ESRRA: variants seen among roughly 807,000 people sequenced by gnomAD.
ESRRA encodes estrogen related receptor alpha.
ESRRA carries 7 observed loss-of-function variants against 35.6 expected under a neutral mutation model. The observed-to-expected ratio is 0.20, with a 90% CI of 0.11 to 0.37. The LOEUF (loss-of-function observed/expected upper bound fraction) is 0.37, where lower values mean the gene tolerates loss of function less well. Among genes scored for constraint, ESRRA ranks in the 10% least tolerant of loss-of-function variants. The pLI is 1.00. For missense variants in ESRRA, 378 were observed against 561.7 expected (o/e 0.67, Z 3.31); for synonymous variants, 223 against 246.9 (o/e 0.90, Z 0.91).
intron 1 of ESRRA, among the ~76,000 whole-genome samples, 168 bp from the exon 2 acceptor site, chr11:64,307,000 G>T (rs1490895596): frequency 6.6e-6 from 1 of 152,164 alleles, no homozygotes; most frequent in Non-Finnish European, 1.5e-5. Flanking sequence ...CAGCTAGGAG[G>T]GGGCAGTGTT....
At position 64,314,307 on chromosome 11, in the gene ESRRA, C is replaced by T. The variant is rs765056529; in HGVS notation, c.511C>T (p.Pro171Ser). The T allele has an allele frequency of 1.2e-6, 2 of 1,609,896 alleles. No individual in the cohort carries two copies. Among genetic ancestry groups the T allele is most frequent in the Non-Finnish European group, 1.7e-6 (2 of 1,178,632 alleles). ...GCGGCGGCCGGAGGTGGACCCACTG[C>T]CCTTCCCGGGCCCCTTCCCTGCTGG... ...YKRRPEVDPL[P>S]FPGPFPAGPL... is the part of the protein sequence containing the mutation. The change falls in exon 4 of 7, where the codon CCC (proline) becomes TCC (serine). Residue 171 changes from proline (P) to serine (S), a missense_variant. This residue lies in a region of ESRRA where 284 missense variants were observed against 411.7 expected (regional missense o/e 0.69). Coordinates refer to ENST00000000442, the MANE Select transcript of ESRRA (RefSeq NM_004451.5).
In ESRRA at chr11:64,314,930, C is replaced by T. The variant is rs368684408; in HGVS notation, c.742+19C>T. The T allele has an allele frequency of 1.2e-6, 2 of 1,609,544 alleles. No homozygotes were observed. The highest frequency in any genetic ancestry group is 2.7e-5 in the African/African-American group (2 of 74,884). On this transcript the variant is annotated intron_variant, in intron 5 of 6. Coordinates refer to ENST00000000442, the MANE Select transcript of ESRRA (RefSeq NM_004451.5). ...ATCCCAGGTAAAGGGCCCAGGTGACCCGGGGCTGCCCTGAACGGGCCCGGC... is the reference window on the plus strand; with the variant it reads ...ATCCCAGGTAAAGGGCCCAGGTGACTCGGGGCTGCCCTGAACGGGCCCGGC...
Position 64,313,900 on chromosome 11 carries a change from C to A in ESRRA, c.326-51C>A. Reference sequence around the variant, plus strand: ...GTCAGGGCTCTCCTGTCAGCTGGGTCCCCTCCCAGCCCCGGGAGGCCGCCA... The same window carrying A: ...GTCAGGGCTCTCCTGTCAGCTGGGTACCCTCCCAGCCCCGGGAGGCCGCCA... On this transcript the variant is annotated intron_variant, in intron 2 of 6. Transcript: ENST00000000442. This position sits in a 1 kb window ranked among gnomAD's most constrained non-coding sequence, Gnocchi z 4.0. The A allele has an allele frequency of 7.6e-7, 1 of 1,322,020 alleles. No homozygotes were observed. The highest frequency in any genetic ancestry group is 1.4e-5 in the South Asian group (1 of 73,858). 81.9% of individuals were successfully genotyped at this position (1,322,020 alleles called of 1,614,324 possible).
At chr11:64,308,332 T>C (rs1288582875) in intron 2 of ESRRA, among the ~76,000 whole-genome samples, 1 of 147,784 alleles carries the variant, frequency 6.8e-6, no homozygotes, top group African/African-American at 2.5e-5. Flanking sequence ...CTGGCCAGGG[T>C]GGTGAAACCG....
rs1275591968 is a variant in ESRRA at position 64,315,172 on chromosome 11, T to C, written c.914T>C (p.Leu305Pro). 1 of 1,613,128 alleles carries C rather than the reference T, an allele frequency of 6.2e-7. No individual in the cohort carries two copies. The highest frequency in any genetic ancestry group is 8.5e-7 in the Non-Finnish European group (1 of 1,179,898). Residue 305 changes from leucine to proline, a missense_variant, in exon 6 of 7, where the codon CTG (leucine) becomes CCG (proline). Coordinates refer to ENST00000000442, the MANE Select transcript of ESRRA (RefSeq NM_004451.5). ...GCACGGGCAGCTGGCCTGGGGGAAC[T>C]GGGGGCTGCCCTGCTGCAACTAGTG... Reference protein sequence around the residue: ...EGARAAGLGELGAALLQLVRR... With the variant: ...EGARAAGLGEPGAALLQLVRR...
Position 64,314,889 on chromosome 11 carries a change from C to T in ESRRA, c.720C>T (p.Ile240=), listed in dbSNP as rs1218270528. Residue 240 remains isoleucine (I), a synonymous_variant, in exon 5 of 7, where the codon ATC becomes ATT. Coordinates refer to ENST00000000442, the MANE Select transcript of ESRRA (RefSeq NM_004451.5). Reference sequence around the variant, plus strand: ...TTGACCGAGAGATTGTGGTCACCATCAGCTGGGCCAAGAGCATCCCAGGTA... The same window carrying T: ...TTGACCGAGAGATTGTGGTCACCATTAGCTGGGCCAAGAGCATCCCAGGTA... ...DLFDREIVVT[I]SWAKSIPGFS... 6.2e-7 allele frequency: 1 copy of T among 1,612,408 alleles called. No individual in the cohort carries two copies. Among genetic ancestry groups the T allele is most frequent in the Admixed American group, 1.7e-5 (1 of 60,028 alleles).
intron 2 of ESRRA, among the ~76,000 whole-genome samples, chr11:64,309,625 A>T (rs1021199237): frequency 6.7e-6 from 1 of 148,864 alleles, no homozygotes; most frequent in African/African-American, 2.5e-5. Flanking sequence ...GGGCTATAAC[A>T]CGTATAATTA....
chr11:64,316,004 T>C lies in ESRRA; in HGVS notation c.*38T>C. The C allele has an allele frequency of 1.3e-6, 2 of 1,534,956 alleles. No homozygotes were observed. The highest frequency in any genetic ancestry group is 1.8e-6 in the Non-Finnish European group (2 of 1,137,198). ...GACTGGTGGGGGTTCTGGCAGGACC[T>C]GCCTAGCATGGGGTCAGCCCCAAGG... is the stretch of plus-strand genomic sequence containing the variant. On this transcript the variant is annotated 3_prime_UTR_variant, in exon 7 of 7. Coordinates refer to ENST00000000442, the MANE Select transcript of ESRRA (RefSeq NM_004451.5).
In ESRRA at chr11:64,308,294, C is replaced by T. The variant is rs200212965; in HGVS notation, c.325+790C>T. Among the ~76,000 whole-genome samples the T allele has an allele frequency of 1.2e-3, 187 of 152,164 alleles. 2 individuals carry two copies. In the East Asian group the frequency reaches 0.016, roughly 13 times the overall value. On this transcript the variant is annotated intron_variant, in intron 2 of 6. Transcript: ENST00000000442. ...CTTTGGGAGGCCAAGGTGGGCGGAT[C>T]ACCTGAGGTCAGGAGATCGAGACCA...
rs1224326228 is a variant in ESRRA at position 64,316,340 on chromosome 11, A to C, written c.*374A>C. 8 of 227,302 alleles carry C rather than the reference A, an allele frequency of 3.5e-5. No homozygotes were observed. The highest frequency in any genetic ancestry group is 5.3e-5 in the Non-Finnish European group (6 of 112,942). 14.1% of individuals were successfully genotyped at this position (227,302 alleles called of 1,614,324 possible). A position where few individuals can be genotyped will look rare whatever the true frequency, so the allele number is the denominator to read the frequency against. On this transcript the variant is annotated 3_prime_UTR_variant, in exon 7 of 7. Transcript: ENST00000000442. Reference sequence around the variant, plus strand: ...GTGGGTGATGCTTTTGCTGCTGCTTAATCCTACCCCCTCTTCAAAGCAGAG... The same window carrying C: ...GTGGGTGATGCTTTTGCTGCTGCTTCATCCTACCCCCTCTTCAAAGCAGAG...
intron 2 of ESRRA, among the ~76,000 whole-genome samples, chr11:64,308,951 C>T (rs1378222920): frequency 2.0e-5 from 3 of 150,830 alleles, no homozygotes; most frequent in Admixed American, 6.6e-5. Context: ...CCCGTCTCTA[C>T]TGAAAATACA....
intron 2 of ESRRA, among the ~76,000 whole-genome samples, chr11:64,312,288 T>C (rs903745121): frequency 2.6e-5 from 4 of 152,024 alleles, no homozygotes; most frequent in African/African-American, 9.7e-5. Context: ...TACAGGTGCC[T>C]GCCACCACAC....
Position 64,315,786 on chromosome 11 carries a change from C to T in ESRRA, c.1092C>T (p.Ala364=), listed in dbSNP as rs187205636. 6.2e-6 allele frequency: 10 copies of T among 1,613,628 alleles called. No homozygotes were observed. Among genetic ancestry groups the T allele is most frequent in the Admixed American group, 1.7e-5 (1 of 60,000 alleles). The change falls in exon 7 of 7, where the codon GCC becomes GCT. Residue 364 remains alanine, a synonymous_variant. Coordinates refer to ENST00000000442, the MANE Select transcript of ESRRA (RefSeq NM_004451.5). ...ACGAGGCCCTGCTGGAGTATGAAGC[C>T]GGCCGGGCTGGCCCCGGAGGGGGTG... ...ALHEALLEYE[A]GRAGPGGGAE... is the part of the protein sequence containing the mutation.
At position 64,314,220 on chromosome 11, in the gene ESRRA, A is replaced by G. The variant is rs1487417369; in HGVS notation, c.443-19A>G. On this transcript the variant is annotated intron_variant, in intron 3 of 6. Coordinates refer to ENST00000000442, the MANE Select transcript of ESRRA (RefSeq NM_004451.5). Reference sequence around the variant, plus strand: ...CCCACAGCACCACAGTCACAGTCCTATCTGTCCCACAATTCAAGGAGTGCG... The same window carrying G: ...CCCACAGCACCACAGTCACAGTCCTGTCTGTCCCACAATTCAAGGAGTGCG... 5.0e-6 allele frequency: 8 copies of G among 1,603,126 alleles called. No individual in the cohort carries two copies. The highest frequency in any genetic ancestry group is 6.0e-6 in the Non-Finnish European group (7 of 1,175,502).
At chr11:64,310,034 A>G (rs1335787802) in intron 2 of ESRRA, among the ~76,000 whole-genome samples, 1 of 152,084 alleles carries the variant, frequency 6.6e-6, no homozygotes, top group East Asian at 1.9e-4. Flanking sequence ...ATAAGGTGTC[A>G]GTACTGTTAT....
chr11:64,315,063 C>T lies in ESRRA; in HGVS notation c.805C>T (p.Leu269=). ...SVLQSVWMEV[L]VLGVAQRSLP... is the part of the protein sequence containing the mutation. Reference sequence around the variant, plus strand: ...ACTGCAGAGCGTGTGGATGGAGGTGCTGGTGCTGGGTGTGGCCCAGCGCTC... The same window carrying T: ...ACTGCAGAGCGTGTGGATGGAGGTGTTGGTGCTGGGTGTGGCCCAGCGCTC... The change falls in exon 6 of 7, where the codon CTG becomes TTG. Residue 269 remains leucine, a synonymous_variant. Transcript: ENST00000000442. 1 of 1,604,130 alleles carries T rather than the reference C, an allele frequency of 6.2e-7. No individual in the cohort carries two copies. Among genetic ancestry groups the T allele is most frequent in the Non-Finnish European group, 8.5e-7 (1 of 1,176,692 alleles).
At position 64,314,869 on chromosome 11, in the gene ESRRA, C is replaced by A; in HGVS notation, c.700C>A (p.Arg234=). ...GGCTACCCTCTGTGACCTCTTTGAC[C>A]GAGAGATTGTGGTCACCATCAGCTG... is the stretch of plus-strand genomic sequence containing the variant. ...AVATLCDLFD[R]EIVVTISWAK... is the part of the protein sequence containing the mutation. The change falls in exon 5 of 7, where the codon CGA becomes AGA. Residue 234 remains arginine (R), a synonymous_variant. Coordinates refer to ENST00000000442, the MANE Select transcript of ESRRA (RefSeq NM_004451.5). The A allele has an allele frequency of 6.2e-7, 1 of 1,612,392 alleles. No individual in the cohort carries two copies.
At chr11:64,311,340 GCA>G (rs1353036431) in intron 2 of ESRRA, among the ~76,000 whole-genome samples, 4 of 152,138 alleles carry the variant, frequency 2.6e-5, no homozygotes, top group Non-Finnish European at 4.4e-5. Flanking sequence ...ACAGTGAGTT[GCA>G]CAGACTTGTC....
At chr11:64,315,427 C>A (rs1393038118) in intron 6 of ESRRA, among the ~76,000 whole-genome samples, 157 bp downstream of exon 6, 1 of 152,228 alleles carries the variant, frequency 6.6e-6, no homozygotes, top group Non-Finnish European at 1.5e-5. Context: ...CAAGTGCAGG[C>A]TCCAAACTGC....
Sources: allele counts gnomAD v4.1 joint callset (sites outside exome capture counted in the v4.1 genomes callset), GRCh38; gene constraint gnomAD v4.1.1; regional missense constraint gnomAD v4.1.1; non-coding constraint Gnocchi (gnomAD v3.1); transcripts MANE v1.5; gene names NCBI Gene and HGNC (gene_info 2026-07-23, HGNC 2026-07-21).